The following XPR1 variants were observed in gnomAD, a reference collection of about 807,000 sequenced individuals.
The protein encoded by XPR1 is xenotropic and polytropic retrovirus receptor 1.
In XPR1, 28 loss-of-function variants were observed where a neutral mutation model predicts 87.5. That is an observed-to-expected ratio of 0.32 (90% CI 0.24 to 0.44). The LOEUF is 0.44. Ranked by LOEUF, XPR1 falls within the 20% of genes least tolerant of loss-of-function variation. XPR1 has a pLI of 1.00. For missense variants in XPR1, 559 were observed against 862.3 expected (o/e 0.65, Z 4.41); for synonymous variants, 300 against 306.1 (o/e 0.98, Z 0.21).
At chr1:180,806,771 T>C (rs1650006688) in intron 6 of XPR1, among the ~76,000 whole-genome samples, 1 of 152,184 alleles carries the variant, frequency 6.6e-6, no homozygotes, top group South Asian at 2.1e-4. Flanking sequence ...TGTACTTTCT[T>C]GTTTATTCTT....
chr1:180,664,718 T>C (rs556842463), intron 1 of XPR1, among the ~76,000 whole-genome samples: 192 of 152,304 alleles, frequency 1.3e-3, no homozygotes, highest in African/African-American at 4.5e-3. Flanking sequence ...GGGTCCTGCC[T>C]AAGAGTTGCA....
intron 2 of XPR1, among the ~76,000 whole-genome samples, chr1:180,758,992 T>C (rs1453029915): frequency 3.3e-5 from 5 of 152,134 alleles, no homozygotes; most frequent in Non-Finnish European, 7.4e-5. Context: ...ACATGGAAAC[T>C]GAACAACCTG....
chr1:180,777,810 G>T (rs1345181513), intron 2 of XPR1, among the ~76,000 whole-genome samples: 2 of 152,192 alleles, frequency 1.3e-5, no homozygotes, highest in Admixed American at 6.5e-5. Flanking sequence ...ATGGAGCATG[G>T]TCATATATTT....
In XPR1 at chr1:180,829,111, G is replaced by T. The variant is rs115966311; in HGVS notation, c.1134+3767G>T. Among the ~76,000 whole-genome samples the T allele has an allele frequency of 2.3e-3, 346 of 152,200 alleles. 1 individual carries two copies. Among genetic ancestry groups the T allele is most frequent in the Admixed American group, 3.3e-3 (51 of 15,274 alleles). On this transcript the variant is annotated intron_variant, in intron 9 of 14. Transcript: ENST00000367590. ...CTTGGGAGGCTGAGGGAGGAGGATC[G>T]CTTGAGTCCAGCAGGTTGAGGTTGC...
At chr1:180,769,933 G>C (rs1648445746) in intron 2 of XPR1, among the ~76,000 whole-genome samples, 1 of 152,164 alleles carries the variant, frequency 6.6e-6, no homozygotes. Context: ...ATCCTTGCCA[G>C]CATTTGTTAT....
rs528676232 is a variant in XPR1, at chr1:180,800,707, T to G, written c.224-2681T>G. 1.2e-4 allele frequency among the ~76,000 whole-genome samples: 18 copies of G among 152,310 alleles called. 1 individual carries two copies. The highest frequency in any genetic ancestry group is 3.4e-3 in the Middle Eastern group (1 of 294). On this transcript the variant is annotated intron_variant, in intron 3 of 14. Transcript: ENST00000367590. ...CCAATGACGAGTAATCTTTGCAAAG[T>G]CTGGATATTTCCTTTTCCTCAGTGC...
intron 2 of XPR1, among the ~76,000 whole-genome samples, chr1:180,764,417 A>G (rs1648188322): frequency 6.6e-6 from 1 of 151,972 alleles, no homozygotes; most frequent in East Asian, 1.9e-4. Flanking sequence ...GAGGGTACTA[A>G]ACCTGTAATC....
At chr1:180,731,059 A>G (rs1337051357) in intron 2 of XPR1, among the ~76,000 whole-genome samples, 3 of 152,158 alleles carry the variant, frequency 2.0e-5, no homozygotes, top group Non-Finnish European at 2.9e-5. Flanking sequence ...GTTACATTGT[A>G]TTAATATATT....
intron 7 of XPR1, among the ~76,000 whole-genome samples, chr1:180,818,452 C>T (rs976453679): frequency 2.0e-5 from 3 of 151,836 alleles, no homozygotes; most frequent in Non-Finnish European, 4.4e-5. Flanking sequence ...GGGCAAGGAA[C>T]CTATTTTGAG....
intron 14 of XPR1, among the ~76,000 whole-genome samples, chr1:180,881,614 G>A (rs1343176418): frequency 6.6e-6 from 1 of 152,172 alleles, no homozygotes; most frequent in Non-Finnish European, 1.5e-5. Context: ...CAATGTATGG[G>A]GCAGTGAAAA....
intron 2 of XPR1, among the ~76,000 whole-genome samples, chr1:180,770,777 G>T (rs1173485832): frequency 6.6e-6 from 1 of 152,066 alleles, no homozygotes; most frequent in Non-Finnish European, 1.5e-5. Context: ...TCATCTGGCG[G>T]TCCCTCTCTC....
intron 1 of XPR1, among the ~76,000 whole-genome samples, chr1:180,634,781 A>C (rs1171527428): frequency 1.3e-5 from 2 of 152,018 alleles, no homozygotes; most frequent in Non-Finnish European, 2.9e-5. Context: ...ATATTACTTG[A>C]AATAAGCAGA....
At chr1:180,741,002 C>T (rs1200056340) in intron 2 of XPR1, among the ~76,000 whole-genome samples, 1 of 152,184 alleles carries the variant, frequency 6.6e-6, no homozygotes, top group Non-Finnish European at 1.5e-5. Context: ...AGGCCCACCT[C>T]CTAATACCAT....
intron 2 of XPR1, among the ~76,000 whole-genome samples, chr1:180,690,387 A>G (rs1055746418): frequency 5.3e-5 from 8 of 152,126 alleles, no homozygotes; most frequent in Non-Finnish European, 1.2e-4. Context: ...TCTGTGTTGA[A>G]CAGTATCTCC....
At chr1:180,778,235 C>T (rs1355388670) in intron 2 of XPR1, among the ~76,000 whole-genome samples, 11 of 152,134 alleles carry the variant, frequency 7.2e-5, no homozygotes, top group Admixed American at 5.2e-4. Flanking sequence ...TCTCCCACCT[C>T]GGCCTCCCAA....
intron 2 of XPR1, among the ~76,000 whole-genome samples, chr1:180,689,162 C>T (rs746042605): frequency 1.3e-5 from 2 of 152,052 alleles, no homozygotes; most frequent in African/African-American, 2.4e-5. Flanking sequence ...TTTTGCTTAA[C>T]CTTTGTTTTA....
intron 2 of XPR1, among the ~76,000 whole-genome samples, chr1:180,694,427 T>G (rs763098745): frequency 1.4e-4 from 22 of 152,164 alleles, no homozygotes; most frequent in Non-Finnish European, 2.4e-4. Flanking sequence ...TCCCGGAAAG[T>G]GAAAAACTGG....
In XPR1 at chr1:180,714,635, G is replaced by C. The variant is rs1287022811; in HGVS notation, c.121+32224G>C. Among the ~76,000 whole-genome samples the C allele has an allele frequency of 2.0e-4, 30 of 152,088 alleles. 1 individual carries two copies. Among genetic ancestry groups the C allele is most frequent in the African/African-American group, 6.8e-4 (28 of 41,480 alleles). Reference sequence around the variant, plus strand: ...GCCCAGCCTGGTCTTGAACTCCTGGGCTCAAGGGGTCCTCCTGCCTTGGCC... The same window carrying C: ...GCCCAGCCTGGTCTTGAACTCCTGGCCTCAAGGGGTCCTCCTGCCTTGGCC... On this transcript the variant is annotated intron_variant, in intron 2 of 14. Coordinates refer to ENST00000367590, the MANE Select transcript of XPR1 (RefSeq NM_004736.4).
rs1419765677 is a variant in XPR1, at chr1:180,886,909, C to CA, written c.*2844dup. 2.6e-5 allele frequency: 4 copies of CA among 152,272 alleles called. No homozygotes were observed. The highest frequency in any genetic ancestry group is 6.5e-5 in the Admixed American group (1 of 15,292). The allele number at this position is 152,272 out of a possible 1,614,324, so 9.4% of individuals were successfully genotyped here. On this transcript the variant is annotated 3_prime_UTR_variant, in exon 15 of 15. Transcript: ENST00000367590. ...TGAACATCAGCTGGGCGCAGTGGCT[C>CA]ACGTCTGTAATCCCAGCACTTTGGG... is the stretch of plus-strand genomic sequence containing the variant.
Sources: gnomAD v4.1 joint callset for allele counts (sites outside exome capture counted in the v4.1 genomes callset) on GRCh38, gnomAD v4.1.1 for gene constraint, MANE v1.5 for transcripts, NCBI Gene and HGNC (gene_info 2026-07-23, HGNC 2026-07-21) for gene names.